The following KCNMB4 variants were observed in gnomAD, a reference collection of about 807,000 sequenced individuals.
KCNMB4 encodes potassium calcium-activated channel subfamily M regulatory beta subunit 4.
Under a neutral mutation model 20.7 loss-of-function variants are expected in KCNMB4, and 3 were observed. That is an observed-to-expected ratio of 0.14 (90% CI 0.07 to 0.37). KCNMB4 has a LOEUF of 0.37. KCNMB4 is among the 10% of genes least tolerant of loss of function. KCNMB4 has a pLI of 1.00. For missense variants in KCNMB4, 168 were observed against 265.9 expected, an observed-to-expected ratio of 0.63 and a Z score of 2.56; for synonymous variants, 110 against 113.4, an observed-to-expected ratio of 0.97 and a Z score of 0.19.
At chr12:70,410,427 CT>C (rs1868739911) in intron 2 of KCNMB4, among the ~76,000 whole-genome samples, 1 of 152,194 alleles carries the variant, frequency 6.6e-6, no homozygotes, top group Admixed American at 6.5e-5. Context: ...TGAATATGTA[CT>C]TTTTTGTTGT....
At chr12:70,394,516 G>T (rs1464265465) in intron 1 of KCNMB4, among the ~76,000 whole-genome samples, 2 of 152,082 alleles carry the variant, frequency 1.3e-5, no homozygotes, top group Non-Finnish European at 2.9e-5. Context: ...TGGACTACCT[G>T]CCCTAGAATT....
intron 2 of KCNMB4, among the ~76,000 whole-genome samples, chr12:70,400,863 T>C (rs1868431354): frequency 6.6e-6 from 1 of 152,172 alleles, no homozygotes; most frequent in African/African-American, 2.4e-5. Flanking sequence ...TTGCTGTACA[T>C]CTCCACTTGG....
At chr12:70,422,496 T>C (rs569106226) in intron 2 of KCNMB4, among the ~76,000 whole-genome samples, 1 of 152,332 alleles carries the variant, frequency 6.6e-6, no homozygotes, top group African/African-American at 2.4e-5. Context: ...AAGGATTTAA[T>C]GTAAATTTAA....
rs113460029 is a variant in KCNMB4 at position 70,395,727 on chromosome 12, T to G, written c.337-4482T>G. Among the ~76,000 whole-genome samples the G allele has an allele frequency of 5.2e-3, 794 of 152,298 alleles. 7 individuals are homozygous for G. The highest frequency in any genetic ancestry group is 0.018 in the African/African-American group (741 of 41,570). On this transcript the variant is annotated intron_variant, in intron 1 of 2. Coordinates refer to ENST00000258111, the MANE Select transcript of KCNMB4 (RefSeq NM_014505.6). ...CATGAATGCAAAAGTTCAAAAAATC[T>G]TTTTCGAAAATATTTTTTCAAAGAA...
chr12:70,385,265 G>T (rs1305285811), intron 1 of KCNMB4, among the ~76,000 whole-genome samples: 2 of 152,106 alleles, frequency 1.3e-5, no homozygotes, highest in Non-Finnish European at 2.9e-5. Context: ...ACCCCTCCTG[G>T]GTTGGAGCTT....
chr12:70,404,988 G>T (rs11837609), intron 2 of KCNMB4, among the ~76,000 whole-genome samples: 50,624 of 151,996 alleles, frequency 0.33, 8,447 homozygotes, highest in Middle Eastern at 0.49. Flanking sequence ...TAAGTTATAG[G>T]CAGAAGGAGA....
chr12:70,385,895 A>G (rs1305639433), intron 1 of KCNMB4, among the ~76,000 whole-genome samples: 3 of 152,184 alleles, frequency 2.0e-5, no homozygotes, highest in African/African-American at 7.2e-5. Flanking sequence ...TCAACGAACT[A>G]CAACTGTAAA....
At chr12:70,429,012 G>GA (rs1434233018) in intron 2 of KCNMB4, among the ~76,000 whole-genome samples, 12 of 152,046 alleles carry the variant, frequency 7.9e-5, no homozygotes, top group Admixed American at 6.5e-4. Flanking sequence ...TGCATCAAAG[G>GA]AAAAAATGCA....
At chr12:70,387,662 GT>G (rs908578836) in intron 1 of KCNMB4, among the ~76,000 whole-genome samples, 12 of 150,082 alleles carry the variant, frequency 8.0e-5, no homozygotes, top group East Asian at 2.0e-4. Flanking sequence ...CTGGAGTGTT[GT>G]TTTTTTTTAA....
chr12:70,423,836 T>C lies in KCNMB4; in HGVS notation c.465-6649T>C, dbSNP rs1377519839. Among the ~76,000 whole-genome samples, 7 of 152,172 alleles carry C rather than the reference T, an allele frequency of 4.6e-5. No individual in the cohort carries two copies. In the South Asian group the frequency reaches 1.4e-3, roughly 31 times the overall value. On this transcript the variant is annotated intron_variant, in intron 2 of 2. Coordinates refer to ENST00000258111, the MANE Select transcript of KCNMB4 (RefSeq NM_014505.6). ...ATTGGTAGACCCCAGTGGGCAAAAA[T>C]TGGCTCATGATACTGTAGGGGACAA...
At chr12:70,410,155 G>A (rs573905487) in intron 2 of KCNMB4, among the ~76,000 whole-genome samples, 2 of 152,170 alleles carry the variant, frequency 1.3e-5, no homozygotes, top group Non-Finnish European at 2.9e-5. Context: ...TTCTAGTGGC[G>A]TGGTCTTAGA....
chr12:70,379,659 T>G (rs1020459959), intron 1 of KCNMB4, among the ~76,000 whole-genome samples: 2 of 152,182 alleles, frequency 1.3e-5, no homozygotes, highest in Non-Finnish European at 2.9e-5. Flanking sequence ...GTGATCTGCC[T>G]TCTTCTCCCT....
intron 1 of KCNMB4, among the ~76,000 whole-genome samples, chr12:70,382,120 T>G (rs1034923364): frequency 2.6e-5 from 4 of 152,208 alleles, no homozygotes; most frequent in Non-Finnish European, 4.4e-5. Context: ...ATACATCTAA[T>G]TAAAATTAAA....
At chr12:70,424,995 G>A (rs902602788) in intron 2 of KCNMB4, among the ~76,000 whole-genome samples, 2 of 152,124 alleles carry the variant, frequency 1.3e-5, no homozygotes, top group Non-Finnish European at 2.9e-5. Flanking sequence ...ACTTTTCTCA[G>A]TTAATTGTTA....
intron 1 of KCNMB4, among the ~76,000 whole-genome samples, chr12:70,381,047 A>T (rs1286967514): frequency 1.3e-5 from 2 of 152,180 alleles, no homozygotes; most frequent in Non-Finnish European, 2.9e-5. Flanking sequence ...TGCTTACAAC[A>T]CAACAAGACA....
chr12:70,428,114 G>A (rs1222994148), intron 2 of KCNMB4, among the ~76,000 whole-genome samples: 1 of 151,840 alleles, frequency 6.6e-6, no homozygotes, highest in Non-Finnish European at 1.5e-5. Flanking sequence ...GACCTCCTGG[G>A]CTCGAGAGAT....
chr12:70,418,518 A>G (rs1211314574), intron 2 of KCNMB4, among the ~76,000 whole-genome samples: 4 of 152,220 alleles, frequency 2.6e-5, no homozygotes, highest in Non-Finnish European at 4.4e-5. Flanking sequence ...GGACAAACCT[A>G]GAAGACACCT....
intron 2 of KCNMB4, among the ~76,000 whole-genome samples, chr12:70,419,962 T>C (rs530558047): frequency 5.5e-4 from 84 of 152,262 alleles, no homozygotes; most frequent in African/African-American, 1.9e-3. Flanking sequence ...TGCTAATCTT[T>C]GGGCAGGTGT....
At chr12:70,403,178 G>C (rs921834712) in intron 2 of KCNMB4, among the ~76,000 whole-genome samples, 29 of 101,674 alleles carry the variant, frequency 2.9e-4, no homozygotes, top group African/African-American at 1.0e-3. Context: ...CATAGTCATC[G>C]TCTTTTATTT....
Sources: gnomAD v4.1 joint callset for allele counts (sites outside exome capture counted in the v4.1 genomes callset) on GRCh38, gnomAD v4.1.1 for gene constraint, MANE v1.5 for transcripts, NCBI Gene and HGNC (gene_info 2026-07-23, HGNC 2026-07-21) for gene names.